The following KCND3 variants were observed in gnomAD, a reference collection of about 807,000 sequenced individuals.
The protein encoded by KCND3 is potassium voltage-gated channel subfamily D member 3.
A neutral mutation model predicts 51.1 loss-of-function variants in KCND3; 9 were observed. The observed-to-expected ratio is 0.18, with a 90% confidence interval of 0.11 to 0.31. The LOEUF is 0.31. Among genes scored for constraint, KCND3 ranks in the 10% least tolerant of loss-of-function variants. KCND3 has a pLI of 1.00. For missense variants in KCND3, 526 were observed against 903.8 expected, an observed-to-expected ratio of 0.58 and a Z score of 5.36; for synonymous variants, 349 against 368.0, an observed-to-expected ratio of 0.95 and a Z score of 0.59.
At chr1:111,899,449 G>A (rs4839181) in intron 2 of KCND3, among the ~76,000 whole-genome samples, 21,269 of 152,244 alleles carry the variant, frequency 0.14, 1,886 homozygotes, top group South Asian at 0.27. Context: ...GGGTCAGGGA[G>A]GCAAGGTGGC....
In KCND3 at chr1:111,982,499, G is replaced by A. The variant is rs758608445; in HGVS notation, c.228C>T (p.Asn76=). 2.5e-6 allele frequency: 4 copies of A among 1,607,852 alleles called. No individual in the cohort carries two copies. The highest frequency in any genetic ancestry group is 2.2e-5 in the East Asian group (1 of 44,702). The change falls in exon 2 of 8, where the codon AAC becomes AAT. Residue 76 remains asparagine, a synonymous_variant. Coordinates refer to ENST00000302127, the MANE Select transcript of KCND3 (RefSeq NM_001378969.1). This position sits in a 1 kb window ranked among gnomAD's most constrained non-coding sequence, Gnocchi z 8.5. ...LGSTEKEFFF[N]EDTKEYFFDR... is the part of the protein sequence containing the mutation. The stretch of plus-strand genomic sequence containing the variant: ...CGAAGAAGTACTCCTTGGTGTCCTC[G>A]TTGAAGAAGAACTCCTTCTCCGTGC...
At chr1:111,835,900 T>C (rs760314727) in intron 2 of KCND3, among the ~76,000 whole-genome samples, 5 of 152,220 alleles carry the variant, frequency 3.3e-5, no homozygotes, top group African/African-American at 7.2e-5. Context: ...TAGGCTCACC[T>C]CAAATTCTTT....
intron 2 of KCND3, among the ~76,000 whole-genome samples, chr1:111,920,995 T>C (rs4838927): frequency 0.35 from 53,063 of 152,072 alleles, 9,480 homozygotes; most frequent in Non-Finnish European, 0.39. Flanking sequence ...GGCTTTGTGG[T>C]GGGCAGCATA....
At position 111,982,718 on chromosome 1, in the gene KCND3, G is replaced by C. The variant is rs777097802; in HGVS notation, c.9C>G (p.Ala3=). Residue 3 remains alanine, a synonymous_variant, in exon 2 of 8, where the codon GCC becomes GCG. Transcript: ENST00000302127. This position sits in a 1 kb window ranked among gnomAD's most constrained non-coding sequence, Gnocchi z 8.5. MA[A]GVAAWLPFAR... is the part of the protein sequence containing the mutation. ...CAAAAGGCAGCCAGGCCGCAACTCC[G>C]GCCGCCATGGTGACTCCAGCTCTTG... The C allele has an allele frequency of 2.5e-6, 4 of 1,602,582 alleles. No homozygotes were observed. Among genetic ancestry groups the C allele is most frequent in the Non-Finnish European group, 3.4e-6 (4 of 1,179,016 alleles).
intron 2 of KCND3, among the ~76,000 whole-genome samples, chr1:111,964,763 C>T (rs1280066909): frequency 6.6e-6 from 1 of 152,106 alleles, no homozygotes; most frequent in Non-Finnish European, 1.5e-5. Context: ...ATTGTCCTAC[C>T]CACCAGGGAG....
chr1:111,886,726 CACTT>C (rs1669587934), intron 2 of KCND3, among the ~76,000 whole-genome samples: 1 of 152,244 alleles, frequency 6.6e-6, no homozygotes, highest in African/African-American at 2.4e-5. Flanking sequence ...CTGGCCAAGG[CACTT>C]ACTTCATTGT....
At chr1:111,895,059 G>A (rs1670034100) in intron 2 of KCND3, among the ~76,000 whole-genome samples, 1 of 149,378 alleles carries the variant, frequency 6.7e-6, no homozygotes, top group East Asian at 2.0e-4. Context: ...GGGAGAGGAA[G>A]CATGAGGGAG....
At chr1:111,872,972 C>T (rs1426509864) in intron 2 of KCND3, among the ~76,000 whole-genome samples, 1 of 152,202 alleles carries the variant, frequency 6.6e-6, no homozygotes, top group Non-Finnish European at 1.5e-5. Flanking sequence ...AACTTCAGCT[C>T]TTGGTTTTGC....
At chr1:111,783,936 T>C (rs1428994411) in intron 3 of KCND3, among the ~76,000 whole-genome samples, 1 of 152,148 alleles carries the variant, frequency 6.6e-6, no homozygotes, top group East Asian at 1.9e-4. Flanking sequence ...ATATAACATT[T>C]TTGAAATTAA....
chr1:111,941,317 C>G (rs1672507742), intron 2 of KCND3, among the ~76,000 whole-genome samples: 1 of 152,104 alleles, frequency 6.6e-6, no homozygotes, highest in African/African-American at 2.4e-5. Flanking sequence ...GTGGGACCCC[C>G]TTGCAGGCCC....
intron 2 of KCND3, among the ~76,000 whole-genome samples, chr1:111,837,233 T>G (rs1231680102): frequency 1.3e-5 from 2 of 152,328 alleles, no homozygotes; most frequent in East Asian, 3.9e-4. Context: ...CACTCTGCCC[T>G]CTGATGTAAC....
chr1:111,857,727 C>G (rs979541395), intron 2 of KCND3, among the ~76,000 whole-genome samples: 1 of 151,916 alleles, frequency 6.6e-6, no homozygotes, highest in Non-Finnish European at 1.5e-5. Flanking sequence ...CACTGGTCCA[C>G]AGGTGCTGCC....
chr1:111,961,051 G>C (rs1673626390), intron 2 of KCND3, among the ~76,000 whole-genome samples: 1 of 152,236 alleles, frequency 6.6e-6, no homozygotes, highest in Admixed American at 6.5e-5. Context: ...CCGGAGAAGA[G>C]AGGTACAGCA....
Position 111,780,857 on chromosome 1 carries a change from G to A in KCND3, c.1270-66C>T. 2 of 1,382,470 alleles carry A rather than the reference G, an allele frequency of 1.4e-6. No individual in the cohort carries two copies. The highest frequency in any genetic ancestry group is 2.0e-6 in the Non-Finnish European group (2 of 991,498). 85.6% of individuals were successfully genotyped at this position (1,382,470 alleles called of 1,614,324 possible). On this transcript the variant is annotated intron_variant, in intron 3 of 7. Transcript: ENST00000302127. The surrounding 1 kb of genome is among the most constrained non-coding windows in gnomAD (Gnocchi z 4.2). ...GATACAAAAAGACAGCAAGGCTGGT[G>A]AAGCTGTGAGGCTGGCTTCCCAGGT...
At chr1:111,824,757 A>C (rs1312578679) in intron 2 of KCND3, among the ~76,000 whole-genome samples, 2 of 152,164 alleles carry the variant, frequency 1.3e-5, no homozygotes, top group Admixed American at 6.5e-5. Flanking sequence ...CAGACCCCTC[A>C]TCCATGGCGA....
At chr1:111,874,831 A>G (rs1668981480) in intron 2 of KCND3, among the ~76,000 whole-genome samples, 1 of 152,000 alleles carries the variant, frequency 6.6e-6, no homozygotes, top group African/African-American at 2.4e-5. Context: ...GTCTCACTAG[A>G]CCCCAGGGCC....
chr1:111,810,059 G>A (rs1056181704), intron 2 of KCND3, among the ~76,000 whole-genome samples: 2 of 152,198 alleles, frequency 1.3e-5, no homozygotes, highest in Non-Finnish European at 2.9e-5. Context: ...TGAGATAAAA[G>A]ATGCATGACC....
chr1:111,940,927 G>A (rs145956307), intron 2 of KCND3, among the ~76,000 whole-genome samples: 6 of 152,254 alleles, frequency 3.9e-5, no homozygotes, highest in African/African-American at 1.2e-4. Context: ...ATCCTTCATG[G>A]TTCTCTCCTT....
intron 2 of KCND3, among the ~76,000 whole-genome samples, chr1:111,866,263 C>CTTTTTTTTTTTTT (rs11399761): frequency 1.5e-4 from 8 of 54,222 alleles, no homozygotes; most frequent in East Asian, 3.1e-4. Context: ...CTTTTCTTTT[C>CTTTTTTTTTTTTT]TTTTTTTTTT....
Sources: allele counts gnomAD v4.1 joint callset (sites outside exome capture counted in the v4.1 genomes callset), GRCh38; gene constraint gnomAD v4.1.1; non-coding constraint Gnocchi (gnomAD v3.1); transcripts MANE v1.5; gene names NCBI Gene and HGNC (gene_info 2026-07-23, HGNC 2026-07-21).